PRR18: variants seen among roughly 807,000 people sequenced by gnomAD.
PRR18 encodes proline rich 18.
For synonymous variants in PRR18, 228 were observed against 220.2 expected (o/e 1.04, Z -0.32); for missense variants, 517 against 437.4 (o/e 1.18, Z -1.62).
chr6:166,307,858 C>T lies in PRR18; in HGVS notation c.285G>A (p.Pro95=). The change falls in exon 1 of 1, where the codon CCG becomes CCA. Residue 95 remains proline (P), a synonymous_variant. Coordinates refer to ENST00000322583, the MANE Select transcript of PRR18 (RefSeq NM_175922.4). The stretch of plus-strand genomic sequence containing the variant: ...TCGCTGGGCTGTGGCCGGAGCCTGC[C>T]GGCCGGGGCGGGGCGCACGTGGCTG... The part of the protein sequence containing the change: ...RAPATCAPPR[P]AGSGHSPART... The T allele has an allele frequency of 7.9e-7, 1 of 1,258,588 alleles. No homozygotes were observed. The highest frequency in any genetic ancestry group is 1.0e-6 in the Non-Finnish European group (1 of 1,002,322). 78.0% of individuals were successfully genotyped at this position (1,258,588 alleles called of 1,614,324 possible).
rs562802984 is a variant in PRR18, at chr6:166,307,777, G to A, written c.366C>T (p.Ser122=). The stretch of plus-strand genomic sequence containing the variant: ...AGTCTGGACAAGGCCCCGCCCCCGA[G>A]GAGGTGCCCGCGGCGGTGGTCCCCG... The part of the protein sequence containing the change: ...AGTGTTAAGT[S]SGAGPCPDSA... The change falls in exon 1 of 1, where the codon TCC becomes TCT. Residue 122 remains serine (S), a synonymous_variant. Coordinates refer to ENST00000322583, the MANE Select transcript of PRR18 (RefSeq NM_175922.4). 5.2e-5 allele frequency: 77 copies of A among 1,480,922 alleles called. No homozygotes were observed. The African/African-American group carries it at 9.5e-4, about 18-fold the overall frequency. The allele number at this position is 1,480,922 out of a possible 1,614,324, so 91.7% of individuals were successfully genotyped here.
chr6:166,307,873 G>A lies in PRR18; in HGVS notation c.270C>T (p.Cys90=), dbSNP rs566539914. 6.4e-6 allele frequency: 8 copies of A among 1,250,132 alleles called. No homozygotes were observed. In the South Asian group the frequency reaches 1.3e-4, roughly 21 times the overall value. 77.4% of individuals were successfully genotyped at this position (1,250,132 alleles called of 1,614,324 possible). A position where few individuals can be genotyped will look rare whatever the true frequency, so the allele number is the denominator to read the frequency against. Reference sequence around the variant, plus strand: ...CGGAGCCTGCCGGCCGGGGCGGGGCGCACGTGGCTGGGGCCCGCGCGCGGC... The same window carrying A: ...CGGAGCCTGCCGGCCGGGGCGGGGCACACGTGGCTGGGGCCCGCGCGCGGC... ...LPSRARAPAT[C]APPRPAGSGH... is the part of the protein sequence containing the mutation. Residue 90 remains cysteine (C), a synonymous_variant, in exon 1 of 1, where the codon TGC becomes TGT. Transcript: ENST00000322583.
Position 166,307,018 on chromosome 6 carries a change from C to A in PRR18, c.*237G>T, listed in dbSNP as rs1294574769. The A allele has an allele frequency of 2.3e-6, 1 of 442,382 alleles. No homozygotes were observed. Among genetic ancestry groups the A allele is most frequent in the Non-Finnish European group, 4.0e-6 (1 of 252,696 alleles). 27.4% of individuals were successfully genotyped at this position (442,382 alleles called of 1,614,324 possible). ...CAGAGGCAGGCATCTGGGGTAGATA[C>A]CACCGGTGTGAACGAGAAAGGCCCG... On this transcript the variant is annotated 3_prime_UTR_variant, in exon 1 of 1. Coordinates refer to ENST00000322583, the MANE Select transcript of PRR18 (RefSeq NM_175922.4).
chr6:166,307,219 G>A lies in PRR18; in HGVS notation c.*36C>T, dbSNP rs1427768070. On this transcript the variant is annotated 3_prime_UTR_variant, in exon 1 of 1. Transcript: ENST00000322583. Reference sequence around the variant, plus strand: ...GTGGCGCGTGCAGGAAGTGAGGTGGGATCAGGCCTGGCCTGTCCCCGCAGG... The same window carrying A: ...GTGGCGCGTGCAGGAAGTGAGGTGGAATCAGGCCTGGCCTGTCCCCGCAGG... The A allele has an allele frequency of 2.9e-6, 4 of 1,390,166 alleles. No homozygotes were observed. Among genetic ancestry groups the A allele is most frequent in the Non-Finnish European group, 3.7e-6 (4 of 1,077,560 alleles). The allele number at this position is 1,390,166 out of a possible 1,614,324, so 86.1% of individuals were successfully genotyped here.
rs918630452 is a variant in PRR18, at chr6:166,308,041, CT to C, written c.101del (p.Lys34ArgfsTer104). The C allele has an allele frequency of 2.3e-5, 29 of 1,239,668 alleles. No individual in the cohort carries two copies. Among genetic ancestry groups the C allele is most frequent in the African/African-American group, 4.7e-5 (3 of 64,076 alleles). 76.8% of individuals were successfully genotyped at this position (1,239,668 alleles called of 1,614,324 possible). A position where few individuals can be genotyped will look rare whatever the true frequency, so the allele number is the denominator to read the frequency against. ...RRPCAAGDKK[K>X]RPPQRPEGLL... ...GCCCCTCGGGCCGCTGTGGGGGCCT[CT>C]TCTTCTTGTCCCCCGCGGCGCAGGG... is the stretch of plus-strand genomic sequence containing the variant. On this transcript the variant is annotated frameshift_variant, in exon 1 of 1. Coordinates refer to ENST00000322583, the MANE Select transcript of PRR18 (RefSeq NM_175922.4). LOFTEE classifies it low-confidence loss of function (END_TRUNC).
At position 166,306,619 on chromosome 6, in the gene PRR18, AC is replaced by A. The variant is rs936786050; in HGVS notation, c.*635del. ...GGCTCACCAGCGCCTGGCGATGCCTACCCTTCCGCTTTGGAGACTGGAAATT... is the reference window on the plus strand; with the variant it reads ...GGCTCACCAGCGCCTGGCGATGCCTACCTTCCGCTTTGGAGACTGGAAATT... On this transcript the variant is annotated 3_prime_UTR_variant, in exon 1 of 1. Coordinates refer to ENST00000322583, the MANE Select transcript of PRR18 (RefSeq NM_175922.4). 8.5e-5 allele frequency: 13 copies of A among 152,220 alleles called. No homozygotes were observed. The highest frequency in any genetic ancestry group is 7.9e-4 in the Admixed American group (12 of 15,286). The allele number at this position is 152,220 out of a possible 1,614,324, so 9.4% of individuals were successfully genotyped here.
Position 166,307,104 on chromosome 6 carries a change from C to T in PRR18, c.*151G>A, listed in dbSNP as rs1316423900. The T allele has an allele frequency of 4.9e-6, 4 of 811,468 alleles. No individual in the cohort carries two copies. In the East Asian group the frequency reaches 1.4e-4, roughly 28 times the overall value. 50.3% of individuals were successfully genotyped at this position (811,468 alleles called of 1,614,324 possible). A position where few individuals can be genotyped will look rare whatever the true frequency, so the allele number is the denominator to read the frequency against. ...GCCGTCGGGCGAGTCTGGCTGCGCC[C>T]CACGTGGGCCAGCTTGCGCACTGGT... On this transcript the variant is annotated 3_prime_UTR_variant, in exon 1 of 1. Coordinates refer to ENST00000322583, the MANE Select transcript of PRR18 (RefSeq NM_175922.4).
In PRR18 at chr6:166,307,891, C is replaced by T; in HGVS notation, c.252G>A (p.Ala84=). ...GCGGGGCGCACGTGGCTGGGGCCCG[C>T]GCGCGGCTGGGCAAGGCCTGGGGGG... ...GVSPQALPSR[A]RAPATCAPPR... The change falls in exon 1 of 1, where the codon GCG becomes GCA. Residue 84 remains alanine, a synonymous_variant. Coordinates refer to ENST00000322583, the MANE Select transcript of PRR18 (RefSeq NM_175922.4). 8.1e-7 allele frequency: 1 copy of T among 1,235,760 alleles called. No homozygotes were observed. Among genetic ancestry groups the T allele is most frequent in the Non-Finnish European group, 1.0e-6 (1 of 990,116 alleles). The allele number at this position is 1,235,760 out of a possible 1,614,324, so 76.5% of individuals were successfully genotyped here. A position where few individuals can be genotyped will look rare whatever the true frequency, so the allele number is the denominator to read the frequency against.
chr6:166,307,971 C>T lies in PRR18; in HGVS notation c.172G>A (p.Ala58Thr). Residue 58 changes from alanine (A) to threonine (T), a missense_variant, in exon 1 of 1, where the codon GCC (alanine) becomes ACC (threonine). By Grantham distance (58) the Ala-to-Thr change is moderately conservative (BLOSUM62 0). Transcript: ENST00000322583. ...CTGTCCAGGCCGGGGCCGCGCCGGG[C>T]CGGCGGCCTCTTGAGCGTGGCGGAG... The part of the protein sequence containing the change: ...WPSATLKRPP[A>T]RRGPGLDRTQ... 8.1e-7 allele frequency: 1 copy of T among 1,234,706 alleles called. No individual in the cohort carries two copies. The highest frequency in any genetic ancestry group is 1.0e-6 in the Non-Finnish European group (1 of 983,012). The allele number at this position is 1,234,706 out of a possible 1,614,324, so 76.5% of individuals were successfully genotyped here.
Position 166,307,806 on chromosome 6 carries a change from C to T in PRR18, c.337G>A (p.Gly113Arg). ...GTGCCCGCGGCGGTGGTCCCCGTCCCCGCCGAGGTCGCCGCATAGGTGGTC... is the reference window on the plus strand; with the variant it reads ...GTGCCCGCGGCGGTGGTCCCCGTCCTCGCCGAGGTCGCCGCATAGGTGGTC... ...ARTTYAATSA[G>R]TGTTAAGTSS... Residue 113 changes from glycine (G) to arginine (R), a missense_variant, in exon 1 of 1, where the codon GGG becomes AGG. Coordinates refer to ENST00000322583, the MANE Select transcript of PRR18 (RefSeq NM_175922.4). The T allele has an allele frequency of 7.0e-7, 1 of 1,426,314 alleles. No homozygotes were observed. The highest frequency in any genetic ancestry group is 9.2e-7 in the Non-Finnish European group (1 of 1,081,088). 88.4% of individuals were successfully genotyped at this position (1,426,314 alleles called of 1,614,324 possible).
Position 166,306,254 on chromosome 6 carries a change from G to A in PRR18, c.*1001C>T, listed in dbSNP as rs771791330. 10 of 152,128 alleles carry A rather than the reference G, an allele frequency of 6.6e-5. No individual in the cohort carries two copies. The highest frequency in any genetic ancestry group is 2.1e-4 in the South Asian group (1 of 4,830). 9.4% of individuals were successfully genotyped at this position (152,128 alleles called of 1,614,324 possible). A position where few individuals can be genotyped will look rare whatever the true frequency, so the allele number is the denominator to read the frequency against. ...AAAATACAAAATCTGTTTTAAAAAT[G>A]TAAGGCTTCAATTTAAAATACAATT... On this transcript the variant is annotated 3_prime_UTR_variant, in exon 1 of 1. Coordinates refer to ENST00000322583, the MANE Select transcript of PRR18 (RefSeq NM_175922.4).
Position 166,307,876 on chromosome 6 carries a change from C to G in PRR18, c.267G>C (p.Thr89=), listed in dbSNP as rs1778133571. Reference sequence around the variant, plus strand: ...AGCCTGCCGGCCGGGGCGGGGCGCACGTGGCTGGGGCCCGCGCGCGGCTGG... The same window carrying G: ...AGCCTGCCGGCCGGGGCGGGGCGCAGGTGGCTGGGGCCCGCGCGCGGCTGG... The part of the protein sequence containing the change: ...ALPSRARAPA[T]CAPPRPAGSG... Residue 89 remains threonine, a synonymous_variant, in exon 1 of 1, where the codon ACG becomes ACC. Transcript: ENST00000322583. The G allele has an allele frequency of 3.2e-6, 4 of 1,249,242 alleles. No homozygotes were observed. Among genetic ancestry groups the G allele is most frequent in the Non-Finnish European group, 4.0e-6 (4 of 997,830 alleles). 77.4% of individuals were successfully genotyped at this position (1,249,242 alleles called of 1,614,324 possible). A position where few individuals can be genotyped will look rare whatever the true frequency, so the allele number is the denominator to read the frequency against.
At position 166,305,809 on chromosome 6, in the gene PRR18, T is replaced by C. The variant is rs1778086921; in HGVS notation, c.*1446A>G. 1.3e-5 allele frequency: 2 copies of C among 152,210 alleles called. No homozygotes were observed. The highest frequency in any genetic ancestry group is 2.9e-5 in the Non-Finnish European group (2 of 68,046). 9.4% of individuals were successfully genotyped at this position (152,210 alleles called of 1,614,324 possible). A position where few individuals can be genotyped will look rare whatever the true frequency, so the allele number is the denominator to read the frequency against. On this transcript the variant is annotated 3_prime_UTR_variant, in exon 1 of 1. Transcript: ENST00000322583. ...GGCAGAAGTCTAGGCATCTTAATTATTGGTATTTGCACTAAGTGCAAGACG... is the reference window on the plus strand; with the variant it reads ...GGCAGAAGTCTAGGCATCTTAATTACTGGTATTTGCACTAAGTGCAAGACG...
Position 166,306,968 on chromosome 6 carries a change from T to C in PRR18, c.*287A>G, listed in dbSNP as rs1042352189. 1.8e-4 allele frequency: 68 copies of C among 379,022 alleles called. No homozygotes were observed. In the East Asian group the frequency reaches 2.6e-3, roughly 15 times the overall value. 23.5% of individuals were successfully genotyped at this position (379,022 alleles called of 1,614,324 possible). On this transcript the variant is annotated 3_prime_UTR_variant, in exon 1 of 1. Transcript: ENST00000322583. ...CACGAACTGCATGGATGCTCGGCGA[T>C]GCCAAGAGGAGGCCAGAGTGGGGGC...
In PRR18 at chr6:166,306,466, T is replaced by C. The variant is rs1778096776; in HGVS notation, c.*789A>G. On this transcript the variant is annotated 3_prime_UTR_variant, in exon 1 of 1. Coordinates refer to ENST00000322583, the MANE Select transcript of PRR18 (RefSeq NM_175922.4). ...GATACATGGAAGAAATATGTAGAAATCAGCCTCCAGTTAGCGGGGGAAAGG... is the reference window on the plus strand; with the variant it reads ...GATACATGGAAGAAATATGTAGAAACCAGCCTCCAGTTAGCGGGGGAAAGG... 1 of 152,054 alleles carries C rather than the reference T, an allele frequency of 6.6e-6. No homozygotes were observed. The allele number at this position is 152,054 out of a possible 1,614,324, so 9.4% of individuals were successfully genotyped here.
In PRR18 at chr6:166,307,279, T is replaced by A. The variant is rs1178838308; in HGVS notation, c.864A>T (p.Ser288=). The change falls in exon 1 of 1, where the codon TCA becomes TCT. Residue 288 remains serine (S), a synonymous_variant. Transcript: ENST00000322583. ...AARGRAGALD[S]RRHLSTL is the part of the protein sequence containing the mutation. ...CTCACAGCGTGCTCAGGTGCCGCCG[T>A]GAGTCCAGGGCCCCCGCCCGGCCCC... The A allele has an allele frequency of 2.0e-6, 3 of 1,515,506 alleles. No individual in the cohort carries two copies. Among genetic ancestry groups the A allele is most frequent in the Admixed American group, 2.1e-5 (1 of 48,132 alleles). 93.9% of individuals were successfully genotyped at this position (1,515,506 alleles called of 1,614,324 possible). A position where few individuals can be genotyped will look rare whatever the true frequency, so the allele number is the denominator to read the frequency against.
chr6:166,308,072 C>T lies in PRR18; in HGVS notation c.71G>A (p.Arg24Gln). The T allele has an allele frequency of 8.1e-7, 1 of 1,236,946 alleles. No individual in the cohort carries two copies. Among genetic ancestry groups the T allele is most frequent in the Non-Finnish European group, 1.0e-6 (1 of 985,984 alleles). 76.6% of individuals were successfully genotyped at this position (1,236,946 alleles called of 1,614,324 possible). Residue 24 changes from arginine to glutamine, a missense_variant, in exon 1 of 1, where the codon CGG (arginine) becomes CAG (glutamine). Coordinates refer to ENST00000322583, the MANE Select transcript of PRR18 (RefSeq NM_175922.4). ...PGAQAARQLPRRPCAAGDKKK... is the reference protein window; with the variant it reads ...PGAQAARQLPQRPCAAGDKKK... ...CTTGTCCCCCGCGGCGCAGGGCCTC[C>T]GGGGTAACTGGCGCGCGGCTTGGGC...
In PRR18 at chr6:166,307,252, G is replaced by A. The variant is rs749279814; in HGVS notation, c.*3C>T. The stretch of plus-strand genomic sequence containing the variant: ...CTGGCCTGTCCCCGCAGGCCCGCTG[G>A]GCTCACAGCGTGCTCAGGTGCCGCC... On this transcript the variant is annotated 3_prime_UTR_variant, in exon 1 of 1. Transcript: ENST00000322583. The A allele has an allele frequency of 4.8e-6, 7 of 1,470,082 alleles. No individual in the cohort carries two copies. The East Asian group carries it at 1.7e-4, about 36-fold the overall frequency. 91.1% of individuals were successfully genotyped at this position (1,470,082 alleles called of 1,614,324 possible). A position where few individuals can be genotyped will look rare whatever the true frequency, so the allele number is the denominator to read the frequency against.
chr6:166,307,707 C>A lies in PRR18; in HGVS notation c.436G>T (p.Val146Phe). 3 of 1,526,522 alleles carry A rather than the reference C, an allele frequency of 2.0e-6. No individual in the cohort carries two copies. The highest frequency in any genetic ancestry group is 2.6e-6 in the Non-Finnish European group (3 of 1,134,714). 94.6% of individuals were successfully genotyped at this position (1,526,522 alleles called of 1,614,324 possible). A position where few individuals can be genotyped will look rare whatever the true frequency, so the allele number is the denominator to read the frequency against. The change falls in exon 1 of 1, where the codon GTC becomes TTC. Residue 146 changes from valine to phenylalanine, a missense_variant. Transcript: ENST00000322583. Reference sequence around the variant, plus strand: ...TTCTCCAGATGACGCTTCTGGATGACCAGGACGGCCTCGGGGGTGAGATTC... The same window carrying A: ...TTCTCCAGATGACGCTTCTGGATGAACAGGACGGCCTCGGGGGTGAGATTC... Reference protein sequence around the residue: ...CLNLTPEAVLVIQKRHLEKQL... With the variant: ...CLNLTPEAVLFIQKRHLEKQL...
Sources: gnomAD v4.1 joint callset for allele counts on GRCh38, gnomAD v4.1.1 for gene constraint, MANE v1.5 for transcripts, NCBI Gene and HGNC (gene_info 2026-07-23, HGNC 2026-07-21) for gene names.